GPR89B: variants seen among roughly 807,000 people sequenced by gnomAD.
GPR89B encodes the protein golgi pH regulator B, also known as G protein-coupled receptor 89B.
A neutral mutation model predicts 52.4 loss-of-function variants in GPR89B; 25 were observed. The ratio of observed to expected loss-of-function variants is 0.48; its 90% CI spans 0.35 to 0.67. The LOEUF (loss-of-function observed/expected upper bound fraction) is 0.67, where lower values mean the gene tolerates loss of function less well. GPR89B is among the 30% of genes least tolerant of loss of function. The pLI is 0.01. For synonymous variants in GPR89B, 52 were observed against 151.2 expected, an observed-to-expected ratio of 0.34 and a Z score of 4.81; for missense variants, 146 against 450.2, an observed-to-expected ratio of 0.32 and a Z score of 6.11.
intron 7 of GPR89B, among the ~76,000 whole-genome samples, chr1:147,964,033 G>A (rs1656844778): frequency 6.6e-6 from 1 of 151,966 alleles, no homozygotes; most frequent in Admixed American, 6.6e-5. Context: ...GGAATTGGAG[G>A]TGGGAGGGAG....
At chr1:147,985,640 T>C (rs1391522491) in intron 10 of GPR89B, among the ~76,000 whole-genome samples, 1 of 152,136 alleles carries the variant, frequency 6.6e-6, no homozygotes, top group Non-Finnish European at 1.5e-5. Flanking sequence ...GTGGTTGTTT[T>C]TTTTTTTAAC....
chr1:147,945,227 CTGAGGCCTCACA>C (rs1553249597), intron 5 of GPR89B, among the ~76,000 whole-genome samples: 1 of 142,538 alleles, frequency 7.0e-6, no homozygotes. Context: ...ATTTCTGCAT[CTGAGGCCTCACA>C]TGGGCCGGGT....
At chr1:147,931,396 C>T (rs1452308751) in intron 1 of GPR89B, among the ~76,000 whole-genome samples, 1 of 152,156 alleles carries the variant, frequency 6.6e-6, no homozygotes, top group Admixed American at 6.5e-5. Flanking sequence ...AGACTCTGTA[C>T]AATTCTGAAA....
chr1:147,939,842 T>TA (rs1287718311), intron 3 of GPR89B, among the ~76,000 whole-genome samples: 5 of 149,882 alleles, frequency 3.3e-5, no homozygotes, highest in Non-Finnish European at 7.4e-5. Flanking sequence ...TACAAAAAAA[T>TA]AAAAAAAATC....
At chr1:148,006,863 C>G in the GPR89B span, among the ~76,000 whole-genome samples, 1 of 151,620 alleles carries the variant, frequency 6.6e-6, no homozygotes, top group Non-Finnish European at 1.5e-5. Flanking sequence ...ACTACAGGCG[C>G]CTGCCACCGC....
the GPR89B span, among the ~76,000 whole-genome samples, chr1:148,021,359 G>C: frequency 1.3e-5 from 2 of 151,876 alleles, no homozygotes; most frequent in East Asian, 1.9e-4. Context: ...AAAATTACCC[G>C]GGGGTGGTGG....
the GPR89B span, chr1:148,005,525 G>C: frequency 6.2e-7 from 1 of 1,603,110 alleles, no homozygotes; most frequent in Non-Finnish European, 8.5e-7. Flanking sequence ...AGAGAGTAGG[G>C]GTAAACTCCA....
chr1:148,008,122 A>G, the GPR89B span, among the ~76,000 whole-genome samples: 6 of 152,190 alleles, frequency 3.9e-5, no homozygotes, highest in South Asian at 1.2e-3. Context: ...TAGGCAAGGG[A>G]TCGCTTGCTA....
the GPR89B span, among the ~76,000 whole-genome samples, chr1:148,007,077 C>CTT: frequency 1.5e-4 from 20 of 136,568 alleles, no homozygotes; most frequent in East Asian, 4.1e-4. Context: ...GCATTTTTGG[C>CTT]TTTTTTTTTT....
chr1:147,983,294 AG>A (rs1348961283), intron 10 of GPR89B, among the ~76,000 whole-genome samples: 3 of 152,202 alleles, frequency 2.0e-5, no homozygotes, highest in Non-Finnish European at 4.4e-5. Flanking sequence ...GCATACCAAA[AG>A]CAATGGCAAC....
At chr1:147,955,649 A>G (rs1656061894) in intron 7 of GPR89B, among the ~76,000 whole-genome samples, 1 of 151,450 alleles carries the variant, frequency 6.6e-6, no homozygotes, top group Admixed American at 6.6e-5. Context: ...CAATTCCTTA[A>G]TGGCTAGTAT....
In GPR89B at chr1:147,960,046, G is replaced by A. The variant is rs1385898557; in HGVS notation, c.617+5644G>A. On this transcript the variant is annotated intron_variant, in intron 7 of 13. Coordinates refer to ENST00000314163, the MANE Select transcript of GPR89B (RefSeq NM_016334.5). ...TCCAGACTACCACTACCCTACACAAGCTCAAGCTCAGCAGAGAATATCAGG... is the reference window on the plus strand; with the variant it reads ...TCCAGACTACCACTACCCTACACAAACTCAAGCTCAGCAGAGAATATCAGG... Among the ~76,000 whole-genome samples the A allele has an allele frequency of 3.9e-3, 575 of 147,946 alleles. 6 individuals carry two copies. The highest frequency in any genetic ancestry group is 0.014 in the African/African-American group (542 of 39,588).
At chr1:148,019,149 G>T in the GPR89B span, among the ~76,000 whole-genome samples, 1 of 150,800 alleles carries the variant, frequency 6.6e-6, no homozygotes, top group African/African-American at 2.5e-5. Flanking sequence ...GCTAATTTTT[G>T]TATTTTTAGT....
intron 9 of GPR89B, 151 bp from the exon 10 acceptor site, chr1:147,969,716 C>T (rs1380621898): frequency 1.7e-5 from 17 of 995,856 alleles, no homozygotes; most frequent in Non-Finnish European, 2.5e-5. Context: ...TCAGTAAATG[C>T]TGGCCACAAC....
rs1426675920 is a variant in GPR89B at position 147,950,061 on chromosome 1, C to T, written c.416-3284C>T. On this transcript the variant is annotated intron_variant, in intron 5 of 13. Coordinates refer to ENST00000314163, the MANE Select transcript of GPR89B (RefSeq NM_016334.5). ...CTCCCTCCCGGACGGGGCGGCTGGCCGTGCGGGGGGCTGATCCCCCCACCT... is the reference window on the plus strand; with the variant it reads ...CTCCCTCCCGGACGGGGCGGCTGGCTGTGCGGGGGGCTGATCCCCCCACCT... Among the ~76,000 whole-genome samples the T allele has an allele frequency of 2.0e-4, 29 of 143,850 alleles. 1 individual carries two copies. The highest frequency in any genetic ancestry group is 7.1e-4 in the African/African-American group (27 of 37,814). 94.4% of individuals were successfully genotyped at this position (143,850 alleles called of 152,430 possible). A position where few individuals can be genotyped will look rare whatever the true frequency, so the allele number is the denominator to read the frequency against.
the GPR89B span, chr1:148,010,654 T>C: frequency 6.6e-6 from 1 of 152,200 alleles, no homozygotes; most frequent in South Asian, 2.1e-4. Context: ...TGTCTCAAGG[T>C]TGAGAGGAAA....
intron 5 of GPR89B, among the ~76,000 whole-genome samples, chr1:147,946,052 C>T (rs2149047180): frequency 6.6e-6 from 1 of 151,606 alleles, no homozygotes; most frequent in African/African-American, 2.4e-5. Flanking sequence ...GTTCTATCAG[C>T]CTGGACAATC....
At chr1:147,972,455 G>A (rs1657541634) in intron 10 of GPR89B, among the ~76,000 whole-genome samples, 2 of 150,642 alleles carry the variant, frequency 1.3e-5, no homozygotes, top group Non-Finnish European at 2.9e-5. Context: ...CTGTGTATGA[G>A]TTTCAGTTGT....
At chr1:147,929,872 T>TA (rs1463851693) in intron 1 of GPR89B, among the ~76,000 whole-genome samples, 1 of 152,166 alleles carries the variant, frequency 6.6e-6, no homozygotes, top group Non-Finnish European at 1.5e-5. Context: ...TCAAATGTAT[T>TA]AATGTAAAAA....
Sources: gnomAD v4.1 joint callset for allele counts (sites outside exome capture counted in the v4.1 genomes callset) on GRCh38, gnomAD v4.1.1 for gene constraint, MANE v1.5 for transcripts, NCBI Gene and HGNC (gene_info 2026-07-23, HGNC 2026-07-21) for gene names.